The following SRGAP3 variants were observed in gnomAD, a reference collection of about 807,000 sequenced individuals.
SRGAP3 encodes SLIT-ROBO Rho GTPase-activating protein 3.
SRGAP3 carries 39 observed loss-of-function variants against 121.1 expected under a neutral mutation model. The ratio of observed to expected loss-of-function variants is 0.32; its 90% CI spans 0.25 to 0.42. The LOEUF is 0.42. Among genes scored for constraint, SRGAP3 ranks in the 10% least tolerant of loss-of-function variants. The pLI, the probability that SRGAP3 is intolerant of heterozygous loss-of-function variation, is 1.00. For synonymous variants in SRGAP3, 601 were observed against 570.0 expected, an observed-to-expected ratio of 1.05 and a Z score of -0.77; for missense variants, 1,213 against 1,470.6, an observed-to-expected ratio of 0.82 and a Z score of 2.86.
At chr3:9,210,887 A>T (rs1952424116) in intron 1 of SRGAP3, among the ~76,000 whole-genome samples, 1 of 152,210 alleles carries the variant, frequency 6.6e-6, no homozygotes, top group Non-Finnish European at 1.5e-5. Flanking sequence ...AAACTGTTAA[A>T]TTTTTTTAAA....
chr3:9,317,076 G>C (rs1478031441), intron 3 of SRGAP3, among the ~76,000 whole-genome samples: 1 of 152,184 alleles, frequency 6.6e-6, no homozygotes, highest in African/African-American at 2.4e-5. Flanking sequence ...CCTCTGAAAA[G>C]TGAAAGCAGT....
chr3:9,000,802 G>C lies in SRGAP3; in HGVS notation c.2228-6279C>G, dbSNP rs183504637. 1.7e-3 allele frequency among the ~76,000 whole-genome samples: 252 copies of C among 152,224 alleles called. 1 individual carries two copies. The highest frequency in any genetic ancestry group is 6.0e-3 in the African/African-American group (249 of 41,518). ...TCTGTAGAGCAATTTAGGACCAAGG[G>C]CACTGCTGAAAGAATAGCAATCATC... is the stretch of plus-strand genomic sequence containing the variant. On this transcript the variant is annotated intron_variant, in intron 18 of 21. Coordinates refer to ENST00000383836, the MANE Select transcript of SRGAP3 (RefSeq NM_014850.4).
intron 3 of SRGAP3, among the ~76,000 whole-genome samples, chr3:9,298,572 T>C (rs11925343): frequency 0.49 from 74,674 of 151,900 alleles, 18,700 homozygotes; most frequent in Non-Finnish European, 0.52. Flanking sequence ...TATGTACCCT[T>C]TCCATAAATC....
chr3:8,985,798 C>CG lies in SRGAP3; in HGVS notation c.3020dup (p.Glu1008GlyfsTer261). Reference sequence around the variant, plus strand: ...TGGTGTGAAGGGGACTGGCGGGCTCCGAGCTGACGGGGCCTGGCGGGTTCT... The same window carrying CG: ...TGGTGTGAAGGGGACTGGCGGGCTCCGGAGCTGACGGGGCCTGGCGGGTTCT... On this transcript the variant is annotated frameshift_variant, in exon 22 of 22. Transcript: ENST00000383836. LOFTEE classifies it high-confidence loss of function. The surrounding 1 kb of genome is among the most constrained non-coding windows in gnomAD (Gnocchi z 5.1). 1 of 1,600,236 alleles carries CG rather than the reference C, an allele frequency of 6.2e-7. No individual in the cohort carries two copies. The highest frequency in any genetic ancestry group is 8.5e-7 in the Non-Finnish European group (1 of 1,179,832).
chr3:9,195,315 T>A (rs1274360679), intron 1 of SRGAP3, among the ~76,000 whole-genome samples: 1 of 152,212 alleles, frequency 6.6e-6, no homozygotes, highest in African/African-American at 2.4e-5. Flanking sequence ...TAATAGTGGC[T>A]CACAACGTTC....
chr3:9,104,347 T>C (rs1480868105), intron 3 of SRGAP3, among the ~76,000 whole-genome samples: 1 of 152,224 alleles, frequency 6.6e-6, no homozygotes, highest in African/African-American at 2.4e-5. Context: ...AACAATGCCA[T>C]TTCAGGTGAT....
chr3:9,328,259 A>T (rs1955550289), intron 2 of SRGAP3, among the ~76,000 whole-genome samples: 1 of 152,170 alleles, frequency 6.6e-6, no homozygotes, highest in African/African-American at 2.4e-5. Context: ...TTATATAAAC[A>T]TTACACACAA....
Position 9,239,667 on chromosome 3 carries a change from T to C in SRGAP3, c.67+9218A>G, listed in dbSNP as rs974625118. Reference sequence around the variant, plus strand: ...ACACGCAATGCATATTGATTAGGGCTGCACTGTTTCCAAATTACCATTTAA... The same window carrying C: ...ACACGCAATGCATATTGATTAGGGCCGCACTGTTTCCAAATTACCATTTAA... On this transcript the variant is annotated intron_variant, in intron 1 of 21. Transcript: ENST00000383836. This position sits in a 1 kb window ranked among gnomAD's most constrained non-coding sequence, Gnocchi z 4.0. Among the ~76,000 whole-genome samples, 2 of 152,244 alleles carry C rather than the reference T, an allele frequency of 1.3e-5. No individual in the cohort carries two copies. The highest frequency in any genetic ancestry group is 4.8e-5 in the African/African-American group (2 of 41,466).
chr3:9,009,316 A>T (rs555539526), intron 18 of SRGAP3, among the ~76,000 whole-genome samples: 1 of 152,294 alleles, frequency 6.6e-6, no homozygotes, highest in East Asian at 1.9e-4. Flanking sequence ...GACAAGTAAG[A>T]GAACTGCTAA....
chr3:9,352,618 C>T (rs2030250895), intron 1 of SRGAP3, among the ~76,000 whole-genome samples: 1 of 152,108 alleles, frequency 6.6e-6, no homozygotes, highest in East Asian at 1.9e-4. Flanking sequence ...TGGGTTCACA[C>T]AATGACAAAA....
intron 1 of SRGAP3, among the ~76,000 whole-genome samples, chr3:9,360,821 A>C (rs780432875): frequency 5.3e-5 from 8 of 152,232 alleles, no homozygotes; most frequent in Non-Finnish European, 1.0e-4. Context: ...TTATGGGAGT[A>C]TACTTCAAGA....
intron 3 of SRGAP3, among the ~76,000 whole-genome samples, chr3:9,268,296 G>GTCTCTCTCTCTCTCTCTCTCTC (rs71626912): frequency 1.4e-5 from 2 of 147,678 alleles, no homozygotes; most frequent in East Asian, 4.0e-4. Flanking sequence ...AGAGAGAAGA[G>GTCTCTCTCTCTCTCTCTCTCTC]TCTCTCTCTC....
At chr3:9,153,356 G>A (rs1375765984) in intron 1 of SRGAP3, among the ~76,000 whole-genome samples, 1 of 152,148 alleles carries the variant, frequency 6.6e-6, no homozygotes, top group Non-Finnish European at 1.5e-5. Flanking sequence ...CAGCATCCTT[G>A]AGAGGCAAAT....
chr3:9,264,237 A>G (rs1954311856), intron 3 of SRGAP3, among the ~76,000 whole-genome samples: 1 of 152,228 alleles, frequency 6.6e-6, no homozygotes, highest in African/African-American at 2.4e-5. Context: ...AATAAGAGCT[A>G]TTTATGACAA....
In SRGAP3 at chr3:9,345,739, T is replaced by C. The variant is rs574779539; in HGVS notation, n.215-15143A>G. On this transcript the variant is annotated intron_variant and non_coding_transcript_variant, in intron 1 of 3. Coordinates refer to the SRGAP3 transcript ENST00000490889. ...AGATGGAGGTTGCAGTAAGCCAACA[T>C]TGCACCACTGCACTCCAGCCTGGGT... 2.1e-3 allele frequency among the ~76,000 whole-genome samples: 267 copies of C among 126,694 alleles called. 1 individual carries two copies. The highest frequency in any genetic ancestry group is 3.2e-3 in the Non-Finnish European group (203 of 62,468). The allele number at this position is 126,694 out of a possible 152,430, so 83.1% of individuals were successfully genotyped here.
intron 2 of SRGAP3, among the ~76,000 whole-genome samples, chr3:9,123,687 A>G (rs1949106169): frequency 6.6e-6 from 1 of 151,316 alleles, no homozygotes; most frequent in African/African-American, 2.4e-5. Context: ...CCTGGGTGAC[A>G]GAGTGAGACT....
Position 9,223,306 on chromosome 3 carries a change from C to T in SRGAP3, c.67+25579G>A, listed in dbSNP as rs1335294906. Among the ~76,000 whole-genome samples the T allele has an allele frequency of 2.6e-5, 4 of 152,142 alleles. No homozygotes were observed. The South Asian group carries it at 6.2e-4, about 24-fold the overall frequency. The stretch of plus-strand genomic sequence containing the variant: ...TGTTTATCACCTGGTTTTTACAGGA[C>T]ATGTCAGTAGGTCTAGAAGATGCCA... On this transcript the variant is annotated intron_variant, in intron 1 of 21. Coordinates refer to ENST00000383836, the MANE Select transcript of SRGAP3 (RefSeq NM_014850.4).
intron 18 of SRGAP3, among the ~76,000 whole-genome samples, chr3:9,001,731 A>T (rs1256582198): frequency 6.6e-6 from 1 of 152,190 alleles, no homozygotes; most frequent in Non-Finnish European, 1.5e-5. Context: ...AAAATGTATT[A>T]TACAAACTGG....
chr3:9,148,276 T>G (rs1336840622), intron 1 of SRGAP3, among the ~76,000 whole-genome samples: 2 of 152,026 alleles, frequency 1.3e-5, no homozygotes, highest in Non-Finnish European at 2.9e-5. Context: ...AGAAAAACCA[T>G]CAACCCCAGC....
Sources: gnomAD v4.1 joint callset for allele counts (sites outside exome capture counted in the v4.1 genomes callset) on GRCh38, gnomAD v4.1.1 for gene constraint, Gnocchi (gnomAD v3.1) non-coding constraint, MANE v1.5 for transcripts, NCBI Gene and HGNC (gene_info 2026-07-23, HGNC 2026-07-21) for gene names.